The following VDR variants were observed in gnomAD, a reference collection of about 807,000 sequenced individuals.
The protein encoded by VDR is vitamin D3 receptor.
VDR carries 19 observed loss-of-function variants against 39.7 expected under a neutral mutation model. The observed-to-expected ratio is 0.48, with a 90% CI of 0.33 to 0.70. The LOEUF (loss-of-function observed/expected upper bound fraction) is 0.70, where lower values mean the gene tolerates loss of function less well. Among genes scored for constraint, VDR ranks in the 30% least tolerant of loss-of-function variants. The probability of loss-of-function intolerance (pLI) is 0.02; values close to 1 mark genes in which losing one functional copy is unlikely to be tolerated. For missense variants in VDR, 442 were observed against 570.5 expected (o/e 0.77, Z 2.29); for synonymous variants, 242 against 215.8 (o/e 1.12, Z -1.07).
At chr12:47,873,586 C>A (rs2137188903) in intron 3 of VDR, among the ~76,000 whole-genome samples, 1 of 151,834 alleles carries the variant, frequency 6.6e-6, no homozygotes, top group African/African-American at 2.4e-5. Flanking sequence ...TGGTCTCGAT[C>A]TCCTGACCTC....
At chr12:47,885,743 C>A (rs577529251) in intron 1 of VDR, among the ~76,000 whole-genome samples, 1 of 152,334 alleles carries the variant, frequency 6.6e-6, no homozygotes, top group South Asian at 2.1e-4. Flanking sequence ...GTTACCCAGG[C>A]TAGAGTGCAG....
chr12:47,877,808 C>T (rs533604495), intron 3 of VDR, among the ~76,000 whole-genome samples: 9 of 152,312 alleles, frequency 5.9e-5, no homozygotes, highest in South Asian at 4.1e-4. Context: ...TCTGGTTCCC[C>T]GAGCTGGAGA....
chr12:47,873,351 C>CTTTTTTTTTTTTTTTTTTTT (rs71077177), intron 3 of VDR, among the ~76,000 whole-genome samples: 4 of 98,420 alleles, frequency 4.1e-5, no homozygotes, highest in Non-Finnish European at 4.0e-5. Context: ...AACCTGTTTT[C>CTTTTTTTTTTTTTTTTTTTT]TTTTTTTTTT....
chr12:47,896,120 A>G (rs949897002), intron 1 of VDR, among the ~76,000 whole-genome samples: 2 of 152,244 alleles, frequency 1.3e-5, no homozygotes, highest in African/African-American at 4.8e-5. Flanking sequence ...GTGAAATGAG[A>G]AAAATAACAC....
Position 47,882,692 on chromosome 12 carries a change from A to G in VDR, c.-3+2T>C, listed in dbSNP as rs865936080. On this transcript the variant is annotated splice_donor_variant, in intron 2 of 9. Coordinates refer to ENST00000549336, the MANE Select transcript of VDR (RefSeq NM_000376.3). LOFTEE classifies it low-confidence loss of function (5UTR_SPLICE). ...AGTTGCGGCTGATGAGGAAACACCT[A>G]CCTGAAGGAGCAGGGGGCAGGTAAG... 10 of 1,502,834 alleles carry G rather than the reference A, an allele frequency of 6.7e-6. No homozygotes were observed. The highest frequency in any genetic ancestry group is 3.0e-5 in the African/African-American group (2 of 66,948). 93.1% of individuals were successfully genotyped at this position (1,502,834 alleles called of 1,614,324 possible).
chr12:47,876,940 G>A (rs1946019901), intron 3 of VDR, among the ~76,000 whole-genome samples: 1 of 152,246 alleles, frequency 6.6e-6, no homozygotes, highest in Admixed American at 6.5e-5. Context: ...GGCCTAGGAG[G>A]AGAGAGTGGA....
chr12:47,851,422 C>T (rs955961701), intron 7 of VDR, among the ~76,000 whole-genome samples: 1 of 152,144 alleles, frequency 6.6e-6, no homozygotes, highest in Non-Finnish European at 1.5e-5. Flanking sequence ...AACAGCCCAT[C>T]CAGCCCTGCC....
intron 1 of VDR, among the ~76,000 whole-genome samples, chr12:47,883,448 C>G (rs1357050365): frequency 6.6e-6 from 1 of 152,196 alleles, no homozygotes; most frequent in African/African-American, 2.4e-5. Flanking sequence ...TTAGCTCTTC[C>G]CCAGACATGC....
intron 3 of VDR, among the ~76,000 whole-genome samples, chr12:47,867,827 A>C (rs1945768591): frequency 6.6e-6 from 1 of 152,282 alleles, no homozygotes; most frequent in South Asian, 2.1e-4. Context: ...AACATGACTC[A>C]CTGTTCACAT....
At chr12:47,856,163 T>A (rs1031125016) in intron 6 of VDR, among the ~76,000 whole-genome samples, 1 of 152,164 alleles carries the variant, frequency 6.6e-6, no homozygotes, top group Non-Finnish European at 1.5e-5. Context: ...CATCTATAAT[T>A]TTCACCTACA....
intron 1 of VDR, among the ~76,000 whole-genome samples, chr12:47,892,640 G>A (rs1279625587): frequency 6.6e-6 from 1 of 152,112 alleles, no homozygotes; most frequent in Non-Finnish European, 1.5e-5. Flanking sequence ...GGAAAGGCCT[G>A]TACTGGAAGT....
At chr12:47,857,773 A>G in intron 4 of VDR, 85 bp from the exon 5 acceptor site, 2 of 1,481,602 alleles carry the variant, frequency 1.3e-6, no homozygotes, top group East Asian at 2.3e-5. Flanking sequence ...TAAAGGTCCA[A>G]GATAGGAGGG....
chr12:47,861,169 G>A (rs973889330), intron 4 of VDR, among the ~76,000 whole-genome samples: 5 of 152,264 alleles, frequency 3.3e-5, no homozygotes, highest in African/African-American at 1.2e-4. Context: ...CTGGTTATAA[G>A]CGGACTTTGG....
chr12:47,890,876 A>T (rs1188754989), intron 1 of VDR, among the ~76,000 whole-genome samples: 1 of 152,086 alleles, frequency 6.6e-6, no homozygotes, highest in African/African-American at 2.4e-5. Flanking sequence ...TGACATGTGC[A>T]GGAGGGAGGG....
rs1481588026 is a variant in VDR, at chr12:47,859,911, T to C, written c.278-2223A>G. On this transcript the variant is annotated intron_variant, in intron 4 of 9. Transcript: ENST00000549336. Reference sequence around the variant, plus strand: ...CTTCCTTCCTTCCTTCCTTCCTTCCTTCCTTCTTTCTTTTTCTTTCTTTCT... The same window carrying C: ...CTTCCTTCCTTCCTTCCTTCCTTCCCTCCTTCTTTCTTTTTCTTTCTTTCT... Among the ~76,000 whole-genome samples the C allele has an allele frequency of 2.7e-3, 116 of 43,732 alleles. 1 individual carries two copies. Among genetic ancestry groups the C allele is most frequent in the African/African-American group, 0.014 (114 of 7,882 alleles). 28.7% of individuals were successfully genotyped at this position (43,732 alleles called of 152,430 possible). A position where few individuals can be genotyped will look rare whatever the true frequency, so the allele number is the denominator to read the frequency against.
At chr12:47,863,402 G>T (rs1193588366) in intron 4 of VDR, among the ~76,000 whole-genome samples, 2 of 152,230 alleles carry the variant, frequency 1.3e-5, no homozygotes, top group Non-Finnish European at 1.5e-5. Context: ...CTGTGGCAGT[G>T]CCTTACGAAC....
At chr12:47,868,009 G>A (rs1945773695) in intron 3 of VDR, among the ~76,000 whole-genome samples, 1 of 152,168 alleles carries the variant, frequency 6.6e-6, no homozygotes, top group Admixed American at 6.6e-5. Context: ...TCCACAGAGG[G>A]CCCAAGAGAC....
chr12:47,868,960 A>C (rs1176568105), intron 3 of VDR, among the ~76,000 whole-genome samples: 2 of 152,026 alleles, frequency 1.3e-5, no homozygotes, highest in Non-Finnish European at 2.9e-5. Flanking sequence ...AAAGCCTCTC[A>C]CCAGACTGGG....
At chr12:47,847,543 C>T (rs1300752956) in intron 7 of VDR, among the ~76,000 whole-genome samples, 1 of 152,120 alleles carries the variant, frequency 6.6e-6, no homozygotes, top group East Asian at 1.9e-4. Flanking sequence ...CATCATGCCA[C>T]TCCACATTCA....
Sources: gnomAD v4.1 joint callset for allele counts (sites outside exome capture counted in the v4.1 genomes callset) on GRCh38, gnomAD v4.1.1 for gene constraint, MANE v1.5 for transcripts, NCBI Gene and HGNC (gene_info 2026-07-23, HGNC 2026-07-21) for gene names.